Variants in TMEM178B observed in about 807,000 individuals in gnomAD.
TMEM178B encodes transmembrane protein 178B.
In TMEM178B, 5 loss-of-function variants were observed where a neutral mutation model predicts 31.0. The ratio of observed to expected loss-of-function variants is 0.16; its 90% confidence interval spans 0.08 to 0.34. The LOEUF (loss-of-function observed/expected upper bound fraction) is 0.34, where lower values mean the gene tolerates loss of function less well. TMEM178B is among the 10% of genes least tolerant of loss of function. TMEM178B has a pLI of 1.00. For synonymous variants in TMEM178B, 164 were observed against 164.0 expected (o/e 1.00, Z 0.00); for missense variants, 275 against 400.3 (o/e 0.69, Z 2.67).
chr7:141,442,270 C>T (rs976966837), intron 3 of TMEM178B, among the ~76,000 whole-genome samples: 3 of 152,128 alleles, frequency 2.0e-5, no homozygotes, highest in African/African-American at 7.2e-5. Flanking sequence ...ACCTCCTCCC[C>T]GAATCAGGTC....
chr7:141,089,777 G>A (rs941157735), intron 1 of TMEM178B, among the ~76,000 whole-genome samples: 12 of 151,848 alleles, frequency 7.9e-5, no homozygotes, highest in Admixed American at 5.3e-4. Context: ...ACCAAACACC[G>A]CATGTTCTCA....
intron 2 of TMEM178B, among the ~76,000 whole-genome samples, chr7:141,248,286 C>T (rs1020240346): frequency 1.3e-5 from 2 of 152,142 alleles, no homozygotes; most frequent in African/African-American, 4.8e-5. Flanking sequence ...TGGCAGGCGC[C>T]TGTAATCCCA....
chr7:141,481,067 C>T (rs1236031158), downstream of TMEM178B, among the ~76,000 whole-genome samples: 2 of 152,202 alleles, frequency 1.3e-5, no homozygotes, highest in Admixed American at 6.5e-5. Context: ...GCATCTCATG[C>T]TGATCTGGAC....
chr7:141,129,705 C>T (rs1795563521), intron 1 of TMEM178B, among the ~76,000 whole-genome samples: 1 of 152,264 alleles, frequency 6.6e-6, no homozygotes, highest in South Asian at 2.1e-4. Flanking sequence ...TGATATAGCC[C>T]TCAGGAGGGC....
chr7:141,446,798 C>T (rs1801768173), intron 3 of TMEM178B, among the ~76,000 whole-genome samples: 1 of 152,146 alleles, frequency 6.6e-6, no homozygotes, highest in East Asian at 1.9e-4. Context: ...AGAGTTAATA[C>T]ATGTGAAGGG....
chr7:141,493,231 GA>G, the TMEM178B span, among the ~76,000 whole-genome samples: 71 of 152,288 alleles, frequency 4.7e-4, 1 homozygote, highest in Middle Eastern at 3.4e-3. Flanking sequence ...GGAAGAAGCA[GA>G]CTCTTGGCCT....
At chr7:141,306,563 TCAAGTAGGAAGAGGTTAGAG>T (rs368507677) in intron 2 of TMEM178B, among the ~76,000 whole-genome samples, 7 of 152,140 alleles carry the variant, frequency 4.6e-5, no homozygotes, top group African/African-American at 1.7e-4. Flanking sequence ...ATGAGCAGCT[TCAAGTAGGAAGAGGTTAGAG>T]GCAAAAATAC....
chr7:141,240,426 C>A (rs1285852772), intron 2 of TMEM178B, among the ~76,000 whole-genome samples: 1 of 152,198 alleles, frequency 6.6e-6, no homozygotes, highest in East Asian at 1.9e-4. Context: ...GATTTGGCTT[C>A]TAAATCTGTA....
At chr7:141,215,337 A>ATTATTTTTTTTTTT (rs55726735) in intron 2 of TMEM178B, among the ~76,000 whole-genome samples, 9 of 141,486 alleles carry the variant, frequency 6.4e-5, no homozygotes, top group African/African-American at 1.3e-4. Flanking sequence ...TATTATTATT[A>ATTATTTTTTTTTTT]TTTTTTGAGA....
At chr7:141,362,684 TTCTGGCTGAAGG>T (rs1474308006) in intron 2 of TMEM178B, among the ~76,000 whole-genome samples, 1 of 152,190 alleles carries the variant, frequency 6.6e-6, no homozygotes, top group Non-Finnish European at 1.5e-5. Context: ...TTTGCTGGCA[TTCTGGCTGAAGG>T]ACTGGCTTAG....
intron 1 of TMEM178B, among the ~76,000 whole-genome samples, chr7:141,161,151 G>A (rs1796165589): frequency 3.9e-5 from 6 of 152,288 alleles, no homozygotes; most frequent in Middle Eastern, 3.4e-3. Flanking sequence ...CACTGCGCCC[G>A]GCCTGGATTT....
chr7:141,335,001 T>C (rs1425047734), intron 2 of TMEM178B, among the ~76,000 whole-genome samples: 2 of 152,178 alleles, frequency 1.3e-5, no homozygotes, highest in East Asian at 3.9e-4. Context: ...ACCTTTATCT[T>C]TTCCTCCCTC....
At chr7:141,507,848 C>T in the TMEM178B span, among the ~76,000 whole-genome samples, 8 of 152,208 alleles carry the variant, frequency 5.3e-5, no homozygotes, top group Admixed American at 5.2e-4. Context: ...ACAGCACAGG[C>T]ACACTGGATC....
At chr7:141,491,602 A>G in the TMEM178B span, among the ~76,000 whole-genome samples, 1 of 152,152 alleles carries the variant, frequency 6.6e-6, no homozygotes, top group Non-Finnish European at 1.5e-5. Context: ...TCGAGCATTT[A>G]CTATATACCA....
intron 1 of TMEM178B, among the ~76,000 whole-genome samples, chr7:141,090,708 T>G (rs1794867574): frequency 6.6e-6 from 1 of 152,224 alleles, no homozygotes; most frequent in Admixed American, 6.5e-5. Flanking sequence ...TAGGTGAACA[T>G]TACAGAAAGC....
chr7:141,487,653 A>C, the TMEM178B span, among the ~76,000 whole-genome samples: 1 of 150,082 alleles, frequency 6.7e-6, no homozygotes, highest in African/African-American at 2.5e-5. Context: ...AGGCAGGAGA[A>C]TCACTTGAAC....
At chr7:141,248,127 G>A (rs986767964) in intron 2 of TMEM178B, among the ~76,000 whole-genome samples, 2 of 151,900 alleles carry the variant, frequency 1.3e-5, no homozygotes, top group African/African-American at 4.8e-5. Flanking sequence ...ATGGGGATAC[G>A]TGGCCGGGCA....
chr7:141,075,032 C>G (rs1794577455), intron 1 of TMEM178B, among the ~76,000 whole-genome samples: 1 of 152,172 alleles, frequency 6.6e-6, no homozygotes, highest in African/African-American at 2.4e-5. Flanking sequence ...AAAGGAAGCC[C>G]TTTAGGAGTC....
At chr7:141,257,787 A>G (rs887242938) in intron 2 of TMEM178B, among the ~76,000 whole-genome samples, 3 of 151,942 alleles carry the variant, frequency 2.0e-5, no homozygotes, top group Non-Finnish European at 1.5e-5. Flanking sequence ...CTAGATGGAC[A>G]GTCTCTGCCT....
Sources: gnomAD v4.1 joint callset for allele counts (sites outside exome capture counted in the v4.1 genomes callset) on GRCh38, gnomAD v4.1.1 for gene constraint, MANE v1.5 for transcripts, NCBI Gene and HGNC (gene_info 2026-07-23, HGNC 2026-07-21) for gene names.